Variants in ERC2 observed in about 807,000 individuals in gnomAD.
ERC2 encodes the protein ERC protein 2.
ERC2 carries 42 observed loss-of-function variants against 114.8 expected under a neutral mutation model. The observed-to-expected ratio is 0.37, with a 90% CI of 0.29 to 0.47. The LOEUF is 0.47. ERC2 is among the 20% of genes least tolerant of loss of function. The pLI, the probability that ERC2 is intolerant of heterozygous loss-of-function variation, is 0.99. For missense variants in ERC2, 939 were observed against 1,150.7 expected (o/e 0.82, Z 2.66); for synonymous variants, 454 against 425.5 (o/e 1.07, Z -0.82).
intron 17 of ERC2, among the ~76,000 whole-genome samples, chr3:55,656,206 C>G (rs2060858178): frequency 6.6e-6 from 1 of 152,118 alleles, no homozygotes; most frequent in Non-Finnish European, 1.5e-5. Context: ...GTGGTGCAAT[C>G]ATAGCTCATG....
At chr3:55,641,011 T>C (rs1184914890) in intron 17 of ERC2, among the ~76,000 whole-genome samples, 1 of 152,168 alleles carries the variant, frequency 6.6e-6, no homozygotes, top group Non-Finnish European at 1.5e-5. Flanking sequence ...TGACAATCCA[T>C]CGGAGGGGAG....
chr3:56,194,253 G>C (rs1239381066), intron 3 of ERC2, among the ~76,000 whole-genome samples: 3 of 151,954 alleles, frequency 2.0e-5, no homozygotes. Flanking sequence ...CCCCACAAAA[G>C]AAGATCTATC....
intron 7 of ERC2, among the ~76,000 whole-genome samples, chr3:56,076,818 A>G (rs1030905631): frequency 3.3e-5 from 5 of 152,178 alleles, no homozygotes; most frequent in African/African-American, 1.2e-4. Context: ...GCCTGTCTAC[A>G]TGGCTTATGG....
At chr3:55,886,342 A>G (rs1036300056) in intron 14 of ERC2, among the ~76,000 whole-genome samples, 1 of 152,210 alleles carries the variant, frequency 6.6e-6, no homozygotes, top group East Asian at 1.9e-4. Context: ...AGTATTTTTA[A>G]TCTCCATTCA....
At chr3:56,326,143 C>T (rs892974688) in intron 2 of ERC2, among the ~76,000 whole-genome samples, 2 of 152,198 alleles carry the variant, frequency 1.3e-5, no homozygotes, top group African/African-American at 4.8e-5. Flanking sequence ...GAATTGGAAA[C>T]TGAGAGGCTG....
At chr3:56,093,119 T>C (rs2077882509) in intron 6 of ERC2, among the ~76,000 whole-genome samples, 1 of 152,112 alleles carries the variant, frequency 6.6e-6, no homozygotes, top group African/African-American at 2.4e-5. Flanking sequence ...TGTTTTAGAG[T>C]CGTGTCTCTC....
intron 7 of ERC2, among the ~76,000 whole-genome samples, chr3:56,056,589 G>C (rs2076025351): frequency 6.6e-6 from 1 of 152,040 alleles, no homozygotes. Flanking sequence ...GAGAGAGTTG[G>C]GGCCTCCTAG....
At chr3:56,014,584 G>A (rs2073179572) in intron 8 of ERC2, among the ~76,000 whole-genome samples, 1 of 152,006 alleles carries the variant, frequency 6.6e-6, no homozygotes, top group African/African-American at 2.4e-5. Flanking sequence ...TTCCTTCCCA[G>A]ACACCCCCTC....
intron 2 of ERC2, among the ~76,000 whole-genome samples, chr3:56,349,916 A>G (rs1055669254): frequency 6.6e-6 from 1 of 151,902 alleles, no homozygotes; most frequent in Non-Finnish European, 1.5e-5. Flanking sequence ...CCGTCTCAAA[A>G]AAAAAAAAAG....
At chr3:56,430,146 G>A (rs1190979691) in intron 2 of ERC2, among the ~76,000 whole-genome samples, 1 of 152,096 alleles carries the variant, frequency 6.6e-6, no homozygotes, top group Non-Finnish European at 1.5e-5. Flanking sequence ...TTAGAACTTA[G>A]GTTAGTGAAA....
At chr3:55,771,364 T>C (rs1195907355) in intron 14 of ERC2, among the ~76,000 whole-genome samples, 4 of 152,226 alleles carry the variant, frequency 2.6e-5, no homozygotes, top group South Asian at 4.1e-4. Context: ...GCAACATCGA[T>C]TGTGCTAGGT....
At chr3:56,064,783 C>G (rs1318052847) in intron 7 of ERC2, among the ~76,000 whole-genome samples, 2 of 152,368 alleles carry the variant, frequency 1.3e-5, no homozygotes, top group African/African-American at 4.8e-5. Flanking sequence ...GTGATCTACA[C>G]CAGAGTTGAG....
At chr3:55,672,536 T>C (rs1191908850) in intron 17 of ERC2, among the ~76,000 whole-genome samples, 1 of 152,032 alleles carries the variant, frequency 6.6e-6, no homozygotes, top group Non-Finnish European at 1.5e-5. Context: ...GGGCATGGTG[T>C]CACCTGTCTG....
chr3:56,109,964 G>T (rs1267205848), intron 6 of ERC2, among the ~76,000 whole-genome samples: 1 of 151,924 alleles, frequency 6.6e-6, no homozygotes. Flanking sequence ...AAATTTAGAA[G>T]ACAAACAACA....
intron 13 of ERC2, among the ~76,000 whole-genome samples, chr3:55,895,737 T>C (rs2063812193): frequency 6.6e-6 from 1 of 152,172 alleles, no homozygotes; most frequent in South Asian, 2.1e-4. Flanking sequence ...CACAAAGACG[T>C]GATTCTGAAA....
chr3:56,193,142 A>G (rs909650388), intron 3 of ERC2, among the ~76,000 whole-genome samples: 2 of 152,242 alleles, frequency 1.3e-5, no homozygotes, highest in African/African-American at 2.4e-5. Context: ...AATAGGTTAA[A>G]TGAAAAGAGT....
chr3:55,989,938 A>G (rs1368462520), intron 11 of ERC2, among the ~76,000 whole-genome samples: 1 of 152,212 alleles, frequency 6.6e-6, no homozygotes, highest in Non-Finnish European at 1.5e-5. Context: ...TGGACTAGGA[A>G]TCAGGAAACC....
intron 16 of ERC2, among the ~76,000 whole-genome samples, chr3:55,687,468 T>A (rs1377845227): frequency 1.3e-5 from 2 of 152,046 alleles, no homozygotes; most frequent in Admixed American, 1.3e-4. Flanking sequence ...CTAATGGGGA[T>A]CTTACTGTCA....
At chr3:56,091,011 A>G (rs1456422327) in intron 6 of ERC2, among the ~76,000 whole-genome samples, 1 of 152,184 alleles carries the variant, frequency 6.6e-6, no homozygotes, top group Non-Finnish European at 1.5e-5. Flanking sequence ...ACCAGAAAGC[A>G]AGGAAGTTAT....
Sources: gnomAD v4.1 joint callset for allele counts (sites outside exome capture counted in the v4.1 genomes callset) on GRCh38, gnomAD v4.1.1 for gene constraint, MANE v1.5 for transcripts, NCBI Gene and HGNC (gene_info 2026-07-23, HGNC 2026-07-21) for gene names.